GNRHR: variants seen among roughly 807,000 people sequenced by gnomAD.
GNRHR encodes gonadotropin-releasing hormone receptor.
Under a neutral mutation model 28.1 loss-of-function variants are expected in GNRHR, and 14 were observed. That is an observed-to-expected ratio of 0.50 (90% CI 0.33 to 0.78). The LOEUF (loss-of-function observed/expected upper bound fraction) is 0.78, where lower values mean the gene tolerates loss of function less well. Ranked by LOEUF, GNRHR falls within the 30% of genes least tolerant of loss-of-function variation. The pLI, the probability that GNRHR is intolerant of heterozygous loss-of-function variation, is 0.02. For missense variants in GNRHR, 366 were observed against 382.1 expected (o/e 0.96, Z 0.35); for synonymous variants, 141 against 140.5 (o/e 1.00, Z -0.02).
At chr4:67,753,764 A>G (rs750226413) in intron 1 of GNRHR, 50 bp downstream of exon 1, 1 of 1,461,178 alleles carries the variant, frequency 6.8e-7, no homozygotes, top group South Asian at 1.2e-5. Flanking sequence ...AAATTTAGAT[A>G]GGAAATCTAT....
chr4:67,751,506 T>C (rs1731865038), intron 1 of GNRHR, among the ~76,000 whole-genome samples: 1 of 152,214 alleles, frequency 6.6e-6, no homozygotes, highest in South Asian at 2.1e-4. Flanking sequence ...TAAATCTCTC[T>C]AGTAATGTAT....
chr4:67,753,206 G>A (rs2109987571), intron 1 of GNRHR, among the ~76,000 whole-genome samples: 1 of 152,196 alleles, frequency 6.6e-6, no homozygotes, highest in Non-Finnish European at 1.5e-5. Flanking sequence ...GGAAATATTT[G>A]GATTTCCAAA....
At chr4:67,740,980 T>G in intron 2 of GNRHR, among the ~76,000 whole-genome samples, 1 of 152,226 alleles carries the variant, frequency 6.6e-6, no homozygotes, top group East Asian at 1.9e-4. Context: ...TATGGGGTAC[T>G]CAAACTCTTA....
Position 67,754,268 on chromosome 4 carries a change from A to G in GNRHR, c.68T>C (p.Leu23Pro). The G allele has an allele frequency of 6.2e-7, 1 of 1,612,602 alleles. No individual in the cohort carries two copies. The highest frequency in any genetic ancestry group is 8.5e-7 in the Non-Finnish European group (1 of 1,178,742). The change falls in exon 1 of 3, where the codon CTG (leucine) becomes CCG (proline). Residue 23 changes from leucine (L) to proline (P), a missense_variant. Physicochemically the swap from Leu to Pro is moderately conservative, Grantham distance 98 (BLOSUM62 -3). Transcript: ENST00000226413. ...HCSAINNSIP[L>P]MQGNLPTLTL... ...CAGAGTGGGGAGGTTGCCCTGCATC[A>G]GTGGGATGCTGTTGTTGATGGCTGA...
In GNRHR at chr4:67,754,324, A is replaced by C. The variant is rs764414922; in HGVS notation, c.12T>G (p.Ser4Arg). 37 of 1,610,172 alleles carry C rather than the reference A, an allele frequency of 2.3e-5. No individual in the cohort carries two copies. The South Asian group carries it at 3.7e-4, about 16-fold the overall frequency. The change falls in exon 1 of 3, where the codon AGT becomes AGG. Residue 4 changes from serine (S) to arginine (R), a missense_variant. Physicochemically the swap from Ser to Arg is moderately radical, Grantham distance 110. Transcript: ENST00000226413. Reference sequence around the variant, plus strand: ...GATTTTGATTCTGTTCAGGAGAGGCACTGTTTGCCATATTTTCCCAGGACA... The same window carrying C: ...GATTTTGATTCTGTTCAGGAGAGGCCCTGTTTGCCATATTTTCCCAGGACA... MAN[S>R]ASPEQNQNHC...
intron 2 of GNRHR, among the ~76,000 whole-genome samples, chr4:67,741,146 A>G (rs1731652038): frequency 6.6e-6 from 1 of 150,484 alleles, no homozygotes; most frequent in Non-Finnish European, 1.5e-5. Context: ...CGGTGGACCC[A>G]TCACCTGAGC....
Position 67,738,380 on chromosome 4 carries a change from A to AT in GNRHR, c.*2099dup, listed in dbSNP as rs1289756310. 2.6e-5 allele frequency among the ~76,000 whole-genome samples: 4 copies of AT among 151,618 alleles called. No individual in the cohort carries two copies. Among genetic ancestry groups the AT allele is most frequent in the Non-Finnish European group, 4.4e-5 (3 of 67,798 alleles). On this transcript the variant is annotated 3_prime_UTR_variant, in exon 3 of 3. Coordinates refer to ENST00000226413, the MANE Select transcript of GNRHR (RefSeq NM_000406.3). ...ATAAAAAATACATTGAAATATATAT[A>AT]TTTTTTGCATGAAATGTAGGTTAAG...
intron 1 of GNRHR, 78 bp downstream of exon 1, chr4:67,753,736 T>C (rs1731912259): frequency 1.6e-6 from 2 of 1,237,002 alleles, no homozygotes; most frequent in Admixed American, 3.9e-5. Context: ...AGTACTTCCT[T>C]TGATAAGACC....
intron 1 of GNRHR, among the ~76,000 whole-genome samples, chr4:67,751,308 T>A (rs1731861581): frequency 6.6e-6 from 1 of 152,188 alleles, no homozygotes; most frequent in South Asian, 2.1e-4. Context: ...CTTAGCTCTC[T>A]TATATATGAA....
chr4:67,744,491 T>C, intron 2 of GNRHR, 77 bp downstream of exon 2: 1 of 830,270 alleles, frequency 1.2e-6, no homozygotes, highest in Non-Finnish European at 2.1e-6. Flanking sequence ...ATCTGTCACA[T>C]AGTTCATGCC....
intron 1 of GNRHR, among the ~76,000 whole-genome samples, chr4:67,748,972 AG>A (rs1307237418): frequency 2.0e-5 from 3 of 152,088 alleles, no homozygotes; most frequent in Admixed American, 1.3e-4. Context: ...TGCATGTAAA[AG>A]CTTATTTATT....
chr4:67,746,728 T>A (rs1731760852), intron 1 of GNRHR, among the ~76,000 whole-genome samples: 4 of 150,352 alleles, frequency 2.7e-5, no homozygotes, highest in African/African-American at 7.3e-5. Context: ...TTAAATATTT[T>A]AAAAATACTT....
At chr4:67,753,758 TTAGA>T (rs1731912661) in intron 1 of GNRHR, 52 bp downstream of exon 1, 1 of 1,434,530 alleles carries the variant, frequency 7.0e-7, no homozygotes, top group Non-Finnish European at 9.7e-7. Context: ...TATATCAAAT[TTAGA>T]TAGGAAATCT....
intron 1 of GNRHR, chr4:67,751,670 T>G (rs1482669433): frequency 6.6e-6 from 1 of 152,204 alleles, no homozygotes; most frequent in African/African-American, 2.4e-5. Flanking sequence ...AAAGCAATAT[T>G]TTATTTATAG....
chr4:67,753,600 T>C lies in GNRHR; in HGVS notation c.522+214A>G, dbSNP rs1023571246. 4 of 588,766 alleles carry C rather than the reference T, an allele frequency of 6.8e-6. No individual in the cohort carries two copies. The African/African-American group carries it at 7.5e-5, about 11-fold the overall frequency. The allele number at this position is 588,766 out of a possible 1,614,324, so 36.5% of individuals were successfully genotyped here. On this transcript the variant is annotated intron_variant, in intron 1 of 2. Coordinates refer to ENST00000226413, the MANE Select transcript of GNRHR (RefSeq NM_000406.3). ...AGTATTAAGTAAGCATTAACCCCCA[T>C]GTTACATTTTATCGGTAAAGGAACT...
chr4:67,740,817 TAATC>T, intron 2 of GNRHR, 93 bp from the exon 3 acceptor site: 1 of 838,122 alleles, frequency 1.2e-6, no homozygotes, highest in Non-Finnish European at 2.1e-6. Flanking sequence ...TAATTCAACT[TAATC>T]AATGGGAGAA....
chr4:67,751,663 G>A (rs560687516), intron 1 of GNRHR: 4 of 152,148 alleles, frequency 2.6e-5, no homozygotes, highest in Non-Finnish European at 5.9e-5. Flanking sequence ...GATTGATAAA[G>A]CAATATTTTA....
intron 1 of GNRHR, among the ~76,000 whole-genome samples, chr4:67,750,816 G>A (rs189854091): frequency 6.6e-6 from 1 of 152,136 alleles, no homozygotes; most frequent in African/African-American, 2.4e-5. Flanking sequence ...ACAATAGGAC[G>A]TGCCTTTGTC....
At chr4:67,745,809 T>G (rs1731743467) in intron 1 of GNRHR, among the ~76,000 whole-genome samples, 1 of 152,134 alleles carries the variant, frequency 6.6e-6, no homozygotes, top group East Asian at 1.9e-4. Flanking sequence ...ATCACTAATT[T>G]GGTATTTTTG....
Sources: gnomAD v4.1 joint callset for allele counts (sites outside exome capture counted in the v4.1 genomes callset) on GRCh38, gnomAD v4.1.1 for gene constraint, MANE v1.5 for transcripts, NCBI Gene and HGNC (gene_info 2026-07-23, HGNC 2026-07-21) for gene names.